ITPKB: variants seen among roughly 807,000 people sequenced by gnomAD.
ITPKB encodes inositol-trisphosphate 3-kinase B.
In ITPKB, 13 loss-of-function variants were observed where a neutral mutation model predicts 69.4. That is an observed-to-expected ratio of 0.19 (90% CI 0.12 to 0.30). The LOEUF (loss-of-function observed/expected upper bound fraction) is 0.30. Among genes scored for constraint, ITPKB ranks in the 10% least tolerant of loss-of-function variants. The pLI is 1.00. For missense variants in ITPKB, 1,240 were observed against 1,250.5 expected, an observed-to-expected ratio of 0.99 and a Z score of 0.13; for synonymous variants, 584 against 513.7, an observed-to-expected ratio of 1.14 and a Z score of -1.85.
At chr1:226,644,923 C>G (rs916765820) in intron 4 of ITPKB, among the ~76,000 whole-genome samples, 10 of 152,234 alleles carry the variant, frequency 6.6e-5, no homozygotes, top group East Asian at 3.9e-4. Context: ...TGGAACTAGC[C>G]TGGCACCCCA....
chr1:226,705,615 TG>T (rs1231453977), intron 2 of ITPKB, among the ~76,000 whole-genome samples: 1 of 152,098 alleles, frequency 6.6e-6, no homozygotes, highest in Non-Finnish European at 1.5e-5. Context: ...AATATGCAGA[TG>T]TGCCTATGGG....
At chr1:226,686,297 C>T (rs1184235697) in intron 2 of ITPKB, among the ~76,000 whole-genome samples, 2 of 152,184 alleles carry the variant, frequency 1.3e-5, no homozygotes, top group African/African-American at 2.4e-5. Flanking sequence ...CCCAGTGGGC[C>T]TAATTTCATT....
chr1:226,700,379 G>C (rs559967362), intron 2 of ITPKB, among the ~76,000 whole-genome samples: 1 of 149,300 alleles, frequency 6.7e-6, no homozygotes, highest in African/African-American at 2.5e-5. Flanking sequence ...TGAGACAGGG[G>C]AATCACTTGA....
intron 2 of ITPKB, among the ~76,000 whole-genome samples, chr1:226,700,196 C>T (rs1203332317): frequency 6.6e-6 from 1 of 152,140 alleles, no homozygotes; most frequent in Admixed American, 6.5e-5. Context: ...ACTGGCCAGA[C>T]ACGGTGGCTT....
intron 2 of ITPKB, among the ~76,000 whole-genome samples, chr1:226,687,069 A>G (rs1232567916): frequency 6.6e-6 from 1 of 152,254 alleles, no homozygotes; most frequent in Non-Finnish European, 1.5e-5. Flanking sequence ...ATGTGGCACA[A>G]GTCATTTGCT....
chr1:226,649,356 A>ATGTGCATGTGTGCATGTGATTG (rs1340274824), intron 2 of ITPKB, among the ~76,000 whole-genome samples: 1 of 80,904 alleles, frequency 1.2e-5, no homozygotes, highest in Non-Finnish European at 2.0e-5. Flanking sequence ...TATGTGATAT[A>ATGTGCATGTGTGCATGTGATTG]TGTGCATGTG....
rs1668739306 is a variant in ITPKB at position 226,632,003 on chromosome 1, T to C, written c.*2668A>G. 1 of 152,366 alleles carries C rather than the reference T, an allele frequency of 6.6e-6. No individual in the cohort carries two copies. The highest frequency in any genetic ancestry group is 1.5e-5 in the Non-Finnish European group (1 of 67,984). 9.4% of individuals were successfully genotyped at this position (152,366 alleles called of 1,614,324 possible). On this transcript the variant is annotated 3_prime_UTR_variant, in exon 8 of 8. Transcript: ENST00000429204. ...CTGCTTCTGGGCTCTTTCTACCAAG[T>C]GGGAAAGGAAGTTCAAAACAAAGGC...
chr1:226,665,273 A>G (rs1337223318), intron 2 of ITPKB, among the ~76,000 whole-genome samples: 1 of 152,176 alleles, frequency 6.6e-6, no homozygotes, highest in Non-Finnish European at 1.5e-5. Flanking sequence ...TTTGAGTTTG[A>G]GCCGCTGGAT....
rs760950811 is a variant in ITPKB, at chr1:226,642,579, C to T, written c.2247-454G>A. 6.6e-5 allele frequency among the ~76,000 whole-genome samples: 10 copies of T among 152,008 alleles called. No homozygotes were observed. Among genetic ancestry groups the T allele is most frequent in the African/African-American group, 1.7e-4 (7 of 41,376 alleles). On this transcript the variant is annotated intron_variant, in intron 4 of 7. Transcript: ENST00000429204. This position sits in a 1 kb window ranked among gnomAD's most constrained non-coding sequence, Gnocchi z 6.4. ...TCACAAAGCCCAAGGAGCTCCTCCT[C>T]GGGAGACCCCCACAGGAACCAGCAG...
chr1:226,669,862 G>T (rs1457150862), intron 2 of ITPKB, among the ~76,000 whole-genome samples: 2 of 151,100 alleles, frequency 1.3e-5, no homozygotes, highest in African/African-American at 2.4e-5. Flanking sequence ...ATGTTTTTTT[G>T]GTTTGTTTTT....
In ITPKB at chr1:226,642,006, C is replaced by A; in HGVS notation, c.2366G>T (p.Arg789Leu). The A allele has an allele frequency of 3.7e-6, 6 of 1,614,216 alleles. No individual in the cohort carries two copies. Among genetic ancestry groups the A allele is most frequent in the Non-Finnish European group, 5.1e-6 (6 of 1,180,040 alleles). ...EAPTEEEKAQ[R>L]AVTKPRYMQW... ...CATGTACCGTGGCTTGGTCACAGCC[C>A]GCTGTGCTTTTTCCTCCTCGGTGGG... The change falls in exon 5 of 8, where the codon CGG becomes CTG. Residue 789 changes from arginine to leucine, a missense_variant. By Grantham distance (102) the Arg-to-Leu change is moderately radical (BLOSUM62 -2). Transcript: ENST00000429204. This position sits in a 1 kb window ranked among gnomAD's most constrained non-coding sequence, Gnocchi z 6.4.
chr1:226,701,622 A>C (rs959916089), intron 2 of ITPKB, among the ~76,000 whole-genome samples: 63 of 151,414 alleles, frequency 4.2e-4, no homozygotes, highest in African/African-American at 1.1e-3. Flanking sequence ...AAAAAAAAAA[A>C]AAAAAAAAAC....
In ITPKB at chr1:226,639,544, G is replaced by A. The variant is rs772087978; in HGVS notation, c.2553+13C>T. The A allele has an allele frequency of 1.4e-5, 21 of 1,535,946 alleles. No individual in the cohort carries two copies. The highest frequency in any genetic ancestry group is 2.2e-5 in the East Asian group (1 of 44,544). ...CTGGCTGGAGAGACCCTCTCTGGAG[G>A]TGCCAGACTCACCAGGATGTTATGG... On this transcript the variant is annotated intron_variant, in intron 6 of 7. Coordinates refer to ENST00000429204, the MANE Select transcript of ITPKB (RefSeq NM_002221.4).
intron 2 of ITPKB, among the ~76,000 whole-genome samples, chr1:226,702,964 T>G (rs1396741522): frequency 1.3e-5 from 2 of 152,324 alleles, no homozygotes; most frequent in Non-Finnish European, 2.9e-5. Context: ...AGGGAAAATC[T>G]GAGCTGGTGT....
At chr1:226,724,292 C>T (rs1013746478) in intron 2 of ITPKB, among the ~76,000 whole-genome samples, 2 of 152,174 alleles carry the variant, frequency 1.3e-5, no homozygotes, top group Non-Finnish European at 1.5e-5. Context: ...TCCCCCAGCA[C>T]ACACTTCCTA....
At chr1:226,697,288 G>T (rs938195397) in intron 2 of ITPKB, among the ~76,000 whole-genome samples, 1 of 152,164 alleles carries the variant, frequency 6.6e-6, no homozygotes, top group Admixed American at 6.5e-5. Context: ...GCATTCAGAG[G>T]CATAGTACAG....
rs189824231 is a variant in ITPKB at position 226,639,625 on chromosome 1, T to C, written c.2485A>G (p.Lys829Glu). The C allele has an allele frequency of 1.2e-5, 19 of 1,613,980 alleles. No homozygotes were observed. Among genetic ancestry groups the C allele is most frequent in the Non-Finnish European group, 8.5e-7 (1 of 1,179,858 alleles). The change falls in exon 6 of 8, where the codon AAG becomes GAG. Residue 829 changes from lysine to glutamate, a missense_variant. By Grantham distance (56) the Lys-to-Glu change is moderately conservative. Coordinates refer to ENST00000429204, the MANE Select transcript of ITPKB (RefSeq NM_002221.4). ...GTGACCTGCTCCCTCGTTTTGGTCT[T>C]CTTGAAGTCCCGGTTCACGGTGCCG... ...EDGTVNRDFK[K>E]TKTREQVTEA...
intron 2 of ITPKB, among the ~76,000 whole-genome samples, chr1:226,718,235 A>T (rs1258602719): frequency 6.6e-6 from 1 of 150,510 alleles, no homozygotes; most frequent in Non-Finnish European, 1.5e-5. Context: ...CGGAGCTTGC[A>T]GTGAGCCAAG....
At chr1:226,700,435 C>G (rs981656161) in intron 2 of ITPKB, among the ~76,000 whole-genome samples, 5 of 136,004 alleles carry the variant, frequency 3.7e-5, no homozygotes, top group African/African-American at 1.4e-4. Context: ...CGCCACGGCA[C>G]TCCAGCCTGG....
Sources: gnomAD v4.1 joint callset for allele counts (sites outside exome capture counted in the v4.1 genomes callset) on GRCh38, gnomAD v4.1.1 for gene constraint, Gnocchi (gnomAD v3.1) non-coding constraint, MANE v1.5 for transcripts, NCBI Gene and HGNC (gene_info 2026-07-23, HGNC 2026-07-21) for gene names.